Variants in TRIM42 observed in about 807,000 individuals in gnomAD.
TRIM42 encodes tripartite motif containing 42.
Under a neutral mutation model 64.9 loss-of-function variants are expected in TRIM42, and 59 were observed. That is an observed-to-expected ratio of 0.91 (90% CI 0.74 to 1.13). The LOEUF (loss-of-function observed/expected upper bound fraction) is 1.13. Among genes scored for constraint, TRIM42 ranks in the 50% most tolerant of loss-of-function variants. TRIM42 has a pLI of 0.00. For synonymous variants in TRIM42, 354 were observed against 346.3 expected (o/e 1.02, Z -0.25); for missense variants, 878 against 929.5 (o/e 0.94, Z 0.72).
At position 140,691,048 on chromosome 3, in the gene TRIM42, C is replaced by A. The variant is rs116168163; in HGVS notation, c.1941C>A (p.Asn647Lys). 2 of 1,614,106 alleles carry A rather than the reference C, an allele frequency of 1.2e-6. No homozygotes were observed. Among genetic ancestry groups the A allele is most frequent in the Non-Finnish European group, 1.7e-6 (2 of 1,179,966 alleles). The change falls in exon 4 of 5, where the codon AAC (asparagine) becomes AAA (lysine). Residue 647 changes from asparagine (N) to lysine (K), a missense_variant. By Grantham distance (94) the Asn-to-Lys change is moderately conservative. Coordinates refer to ENST00000286349, the MANE Select transcript of TRIM42 (RefSeq NM_152616.5). ...FYEVITSPPN[N>K]VQMELCGQIR... ...AAGTCATTACTTCTCCTCCTAACAACGTACAAATGGAGCTCTGTGGACAAA... is the reference window on the plus strand; with the variant it reads ...AAGTCATTACTTCTCCTCCTAACAAAGTACAAATGGAGCTCTGTGGACAAA...
intron 1 of TRIM42, among the ~76,000 whole-genome samples, chr3:140,679,014 A>T (rs958199048): frequency 3.3e-5 from 5 of 151,746 alleles, no homozygotes; most frequent in Admixed American, 1.3e-4. Context: ...AAAATTTGGG[A>T]TCTTAACTTT....
chr3:140,683,437 T>C lies in TRIM42; in HGVS notation c.1039+278T>C, dbSNP rs527402963. On this transcript the variant is annotated intron_variant, in intron 2 of 4. Transcript: ENST00000286349. ...TGGGTTGCCATGAGGATTAAGTGAG[T>C]TCCTCTATGTAAAGCATGCAAAAAG... Among the ~76,000 whole-genome samples, 12 of 152,144 alleles carry C rather than the reference T, an allele frequency of 7.9e-5. No individual in the cohort carries two copies. The South Asian group carries it at 8.3e-4, about 11-fold the overall frequency.
chr3:140,693,724 A>G (rs1988780797), intron 4 of TRIM42, among the ~76,000 whole-genome samples: 1 of 152,190 alleles, frequency 6.6e-6, no homozygotes, highest in African/African-American at 2.4e-5. Context: ...TATTTCTATC[A>G]CACGTATTTT....
chr3:140,688,623 C>T (rs1051439940), intron 3 of TRIM42, 81 bp downstream of exon 3: 5 of 1,169,000 alleles, frequency 4.3e-6, no homozygotes, highest in East Asian at 4.7e-5. Context: ...AAAGGTTGCA[C>T]TTACCTCTTT....
rs1332112941 is a variant in TRIM42, at chr3:140,682,676, C to T, written c.556C>T (p.Leu186Phe). The T allele has an allele frequency of 1.2e-6, 2 of 1,613,068 alleles. No individual in the cohort carries two copies. The highest frequency in any genetic ancestry group is 1.7e-6 in the Non-Finnish European group (2 of 1,180,042). Residue 186 changes from leucine (L) to phenylalanine (F), a missense_variant, in exon 2 of 5, where the codon CTC becomes TTC. By Grantham distance (22) the Leu-to-Phe change is conservative. Coordinates refer to ENST00000286349, the MANE Select transcript of TRIM42 (RefSeq NM_152616.5). ...HAEVTENFFI[L>F]ICPVCDRSHC... ...CGAGGTCACCGAGAACTTCTTCATC[C>T]TCATCTGCCCAGTGTGCGACCGCTC...
intron 2 of TRIM42, among the ~76,000 whole-genome samples, chr3:140,687,400 G>T (rs932654217): frequency 6.6e-6 from 1 of 152,212 alleles, no homozygotes; most frequent in African/African-American, 2.4e-5. Context: ...AGTCCAACTT[G>T]CAGACAACTG....
intron 4 of TRIM42, among the ~76,000 whole-genome samples, chr3:140,695,342 G>T (rs1988821180): frequency 6.6e-6 from 1 of 152,120 alleles, no homozygotes; most frequent in African/African-American, 2.4e-5. Flanking sequence ...ATTGGGACAT[G>T]GACATCTCTG....
chr3:140,690,758 G>T (rs1988687818), intron 3 of TRIM42, among the ~76,000 whole-genome samples: 1 of 151,828 alleles, frequency 6.6e-6, no homozygotes, highest in Non-Finnish European at 1.5e-5. Context: ...GAAACCTTCT[G>T]TTTGTGAAAC....
chr3:140,680,863 C>T lies in TRIM42; in HGVS notation c.342-1599C>T, dbSNP rs116422004. ...GGAAGCACCTGTGACTGTCAGGACT[C>T]AGACATAGGCTCCTGGCCAAGGGAG... On this transcript the variant is annotated intron_variant, in intron 1 of 4. Coordinates refer to ENST00000286349, the MANE Select transcript of TRIM42 (RefSeq NM_152616.5). 2.5e-3 allele frequency among the ~76,000 whole-genome samples: 376 copies of T among 152,308 alleles called. 3 individuals carry two copies. The highest frequency in any genetic ancestry group is 8.9e-3 in the African/African-American group (368 of 41,558).
rs555457201 is a variant in TRIM42 at position 140,692,886 on chromosome 3, T to C, written c.2085+1694T>C. 1.3e-4 allele frequency among the ~76,000 whole-genome samples: 20 copies of C among 152,354 alleles called. No individual in the cohort carries two copies. The South Asian group carries it at 3.9e-3, about 30-fold the overall frequency. Reference sequence around the variant, plus strand: ...TGCTAAAATATATGTAATCTATTATTTTCAGATGCCAGGGAAAGAACGGGT... The same window carrying C: ...TGCTAAAATATATGTAATCTATTATCTTCAGATGCCAGGGAAAGAACGGGT... On this transcript the variant is annotated intron_variant, in intron 4 of 4. Coordinates refer to ENST00000286349, the MANE Select transcript of TRIM42 (RefSeq NM_152616.5).
rs750091238 is a variant in TRIM42 at position 140,678,219 on chromosome 3, A to C, written c.-11A>C. 1 of 1,608,936 alleles carries C rather than the reference A, an allele frequency of 6.2e-7. No homozygotes were observed. Among genetic ancestry groups the C allele is most frequent in the South Asian group, 1.1e-5 (1 of 90,790 alleles). On this transcript the variant is annotated 5_prime_UTR_variant, in exon 1 of 5. The change abolishes an upstream ATG in the 5' untranslated region. Coordinates refer to ENST00000286349, the MANE Select transcript of TRIM42 (RefSeq NM_152616.5). ...GAGTCCTGGGAGGCCGGTGGTAATC[A>C]TGTAGGCACCATGGAAACTGCTATG... is the stretch of plus-strand genomic sequence containing the variant.
chr3:140,700,201 T>C (rs894935662), intron 4 of TRIM42, among the ~76,000 whole-genome samples: 9 of 152,124 alleles, frequency 5.9e-5, no homozygotes, highest in Admixed American at 5.2e-4. Context: ...TAAGCTAACT[T>C]GGTGAGATTT....
Position 140,682,769 on chromosome 3 carries a change from C to T in TRIM42, c.649C>T (p.Arg217Cys). ...CTACCTGCACGGGCGTCTCACCAAG[C>T]GCTACATGCAGGAGCACGGCTACCT... ...ENYLHGRLTK[R>C]YMQEHGYLKW... Residue 217 changes from arginine to cysteine, a missense_variant, in exon 2 of 5, where the codon CGC (arginine) becomes TGC (cysteine). By Grantham distance (180) the Arg-to-Cys change is radical (BLOSUM62 -3). Transcript: ENST00000286349. 12 of 1,613,404 alleles carry T rather than the reference C, an allele frequency of 7.4e-6. No homozygotes were observed. Among genetic ancestry groups the T allele is most frequent in the Non-Finnish European group, 1.0e-5 (12 of 1,180,022 alleles).
chr3:140,694,234 G>T (rs1049858290), intron 4 of TRIM42, among the ~76,000 whole-genome samples: 1 of 152,224 alleles, frequency 6.6e-6, no homozygotes, highest in African/African-American at 2.4e-5. Context: ...GCATTGAAAA[G>T]AGCATTGTAT....
chr3:140,681,454 T>A (rs1988392020), intron 1 of TRIM42, among the ~76,000 whole-genome samples: 1 of 152,152 alleles, frequency 6.6e-6, no homozygotes, highest in African/African-American at 2.4e-5. Context: ...GAGAGAGGTT[T>A]AAAAAAACAT....
chr3:140,688,385 C>A lies in TRIM42; in HGVS notation c.1703C>A (p.Thr568Lys), dbSNP rs1386853327. ...CAGTCAGCCACCCCCGCCAAACCCA[C>A]AGACGGCCTCTACACCTACTGGAGT... is the stretch of plus-strand genomic sequence containing the variant. ...RAQSATPAKP[T>K]DGLYTYWSAG... Residue 568 changes from threonine to lysine, a missense_variant, in exon 3 of 5, where the codon ACA (threonine) becomes AAA (lysine). Transcript: ENST00000286349. The A allele has an allele frequency of 6.2e-7, 1 of 1,614,220 alleles. No homozygotes were observed. Among genetic ancestry groups the A allele is most frequent in the South Asian group, 1.1e-5 (1 of 91,086 alleles).
chr3:140,687,035 T>C (rs919279331), intron 2 of TRIM42, among the ~76,000 whole-genome samples: 5 of 152,184 alleles, frequency 3.3e-5, no homozygotes, highest in African/African-American at 1.2e-4. Flanking sequence ...GTTGAATGAC[T>C]GAGTGAACTT....
chr3:140,682,338 A>C, intron 1 of TRIM42, 124 bp from the exon 2 acceptor site: 1 of 918,516 alleles, frequency 1.1e-6, no homozygotes, highest in South Asian at 1.7e-5. Context: ...CTTAGCGCCC[A>C]GCTCAGGCTC....
rs370072360 is a variant in TRIM42, at chr3:140,691,204, G to A, written c.2085+12G>A. 1.9e-5 allele frequency: 30 copies of A among 1,609,190 alleles called. No individual in the cohort carries two copies. The highest frequency in any genetic ancestry group is 3.3e-5 in the Admixed American group (2 of 59,952). On this transcript the variant is annotated intron_variant, in intron 4 of 4. Transcript: ENST00000286349. The stretch of plus-strand genomic sequence containing the variant: ...GTGATATCTGCAAGGTATTGTGTGC[G>A]TTATTTCTCAGACAGATTTTTTTTT...
Sources: allele counts gnomAD v4.1 joint callset (sites outside exome capture counted in the v4.1 genomes callset), GRCh38; gene constraint gnomAD v4.1.1; transcripts MANE v1.5; gene names NCBI Gene and HGNC (gene_info 2026-07-23, HGNC 2026-07-21).